DLG2: variants seen among roughly 807,000 people sequenced by gnomAD.
The protein encoded by DLG2 is disks large homolog 2.
A neutral mutation model predicts 132.5 loss-of-function variants in DLG2; 45 were observed. That is an observed-to-expected ratio of 0.34 (90% CI 0.27 to 0.44). DLG2 has a LOEUF of 0.44. Ranked by LOEUF, DLG2 falls within the 20% of genes least tolerant of loss-of-function variation. The pLI is 1.00. For missense variants in DLG2, 1,045 were observed against 1,196.9 expected (o/e 0.87, Z 1.87); for synonymous variants, 424 against 419.6 (o/e 1.01, Z -0.13).
chr11:85,484,157 A>T (rs1349392381), intron 3 of DLG2, among the ~76,000 whole-genome samples: 1 of 146,102 alleles, frequency 6.8e-6, no homozygotes, highest in Non-Finnish European at 1.5e-5. Context: ...AGGTCCGCGC[A>T]GTCCGCCCGG....
rs139449045 is a variant in DLG2, at chr11:84,414,198, TTAAA to T, written c.519+120368_519+120371del. Among the ~76,000 whole-genome samples the T allele has an allele frequency of 3.6e-3, 550 of 152,332 alleles. 2 individuals are homozygous for T. Among genetic ancestry groups the T allele is most frequent in the African/African-American group, 0.012 (510 of 41,584 alleles). The stretch of plus-strand genomic sequence containing the variant: ...TAACCTTTTAAGACTATTGTGAAGA[TTAAA>T]TAAGTGAGCATATCTAAATTAATTA... On this transcript the variant is annotated intron_variant, in intron 7 of 27. Transcript: ENST00000376104.
intron 3 of DLG2, among the ~76,000 whole-genome samples, chr11:85,314,916 G>A (rs547954758): frequency 1.1e-4 from 17 of 151,982 alleles, no homozygotes; most frequent in East Asian, 1.9e-4. Flanking sequence ...GTGTTGTGTC[G>A]TCCAGCCCAC....
chr11:84,171,517 T>C (rs2095822062), intron 8 of DLG2, among the ~76,000 whole-genome samples: 1 of 152,346 alleles, frequency 6.6e-6, no homozygotes, highest in Admixed American at 6.5e-5. Context: ...CTTAAGATAA[T>C]GGCCTCCAGT....
At chr11:84,222,167 G>C (rs1224978720) in intron 8 of DLG2, among the ~76,000 whole-genome samples, 1 of 151,996 alleles carries the variant, frequency 6.6e-6, no homozygotes, top group East Asian at 1.9e-4. Context: ...CAAGTAGCTG[G>C]TATTACAGGC....
intron 7 of DLG2, among the ~76,000 whole-genome samples, chr11:84,386,871 C>T (rs890021706): frequency 1.3e-5 from 2 of 152,030 alleles, no homozygotes; most frequent in African/African-American, 4.8e-5. Context: ...AGTACTTCAC[C>T]AGCCTTCCTA....
intron 6 of DLG2, among the ~76,000 whole-genome samples, chr11:84,975,847 C>T (rs892817332): frequency 3.9e-5 from 6 of 152,142 alleles, no homozygotes; most frequent in African/African-American, 7.2e-5. Flanking sequence ...CCCCAGATTT[C>T]GTTGTTTTCC....
intron 6 of DLG2, among the ~76,000 whole-genome samples, chr11:84,697,369 C>A (rs1443136861): frequency 6.6e-6 from 1 of 151,450 alleles, no homozygotes. Flanking sequence ...AGAATACACA[C>A]ATTTTGAATA....
At chr11:85,119,898 G>A (rs2074097128) in intron 5 of DLG2, among the ~76,000 whole-genome samples, 1 of 151,880 alleles carries the variant, frequency 6.6e-6, no homozygotes, top group Non-Finnish European at 1.5e-5. Context: ...TTAACTACAT[G>A]GGAAAGGTAA....
intron 3 of DLG2, among the ~76,000 whole-genome samples, chr11:85,445,451 GT>G (rs1056437365): frequency 1.6e-4 from 24 of 152,174 alleles, no homozygotes; most frequent in Non-Finnish European, 2.8e-4. Context: ...GCCAAGGTGG[GT>G]GGATCACCTG....
At chr11:83,652,332 G>T (rs961651321) in intron 18 of DLG2, among the ~76,000 whole-genome samples, 5 of 152,110 alleles carry the variant, frequency 3.3e-5, no homozygotes, top group African/African-American at 1.2e-4. Context: ...TGATTAAGAT[G>T]AATAGTCCTC....
At chr11:84,555,694 A>G (rs1017239919) in intron 6 of DLG2, among the ~76,000 whole-genome samples, 2 of 152,194 alleles carry the variant, frequency 1.3e-5, no homozygotes, top group African/African-American at 4.8e-5. Flanking sequence ...TAAAGGATAT[A>G]AAGTTTCAGA....
At chr11:84,370,511 A>G (rs2098701812) in intron 7 of DLG2, among the ~76,000 whole-genome samples, 1 of 152,150 alleles carries the variant, frequency 6.6e-6, no homozygotes, top group African/African-American at 2.4e-5. Context: ...TCACTTATCC[A>G]CATAGGATTT....
At chr11:85,461,774 A>G (rs1313792914) in intron 3 of DLG2, among the ~76,000 whole-genome samples, 1 of 152,212 alleles carries the variant, frequency 6.6e-6, no homozygotes, top group Non-Finnish European at 1.5e-5. Flanking sequence ...GAATAAAGTA[A>G]TGGCAACAAA....
At chr11:83,636,624 A>G (rs2064920742) in intron 18 of DLG2, among the ~76,000 whole-genome samples, 1 of 152,150 alleles carries the variant, frequency 6.6e-6, no homozygotes, top group Non-Finnish European at 1.5e-5. Flanking sequence ...CATTGGAAAC[A>G]ATTCTCTGAC....
chr11:83,548,133 G>A (rs997322432), intron 19 of DLG2, among the ~76,000 whole-genome samples: 2 of 152,108 alleles, frequency 1.3e-5, no homozygotes, highest in African/African-American at 4.8e-5. Context: ...GTAGAATTAC[G>A]CCCTGTAGTT....
chr11:84,325,793 A>T (rs550705545), intron 7 of DLG2, among the ~76,000 whole-genome samples: 1 of 152,134 alleles, frequency 6.6e-6, no homozygotes, highest in East Asian at 1.9e-4. Context: ...CTTCCTCTTC[A>T]ATATTTTGGA....
chr11:83,564,852 CT>C (rs11385078), intron 19 of DLG2, among the ~76,000 whole-genome samples: 3 of 151,550 alleles, frequency 2.0e-5, no homozygotes, highest in African/African-American at 7.3e-5. Context: ...AGAAGAATTT[CT>C]TTTTTTTTCT....
intron 6 of DLG2, among the ~76,000 whole-genome samples, chr11:84,692,279 A>G (rs951518079): frequency 6.6e-6 from 1 of 151,768 alleles, no homozygotes; most frequent in Non-Finnish European, 1.5e-5. Flanking sequence ...TGCTAAGCAT[A>G]TTACCTTTTC....
intron 6 of DLG2, among the ~76,000 whole-genome samples, chr11:85,086,087 A>AT (rs1461625791): frequency 2.6e-5 from 4 of 152,130 alleles, no homozygotes; most frequent in Non-Finnish European, 5.9e-5. Context: ...TTAATCAGCT[A>AT]TTTTTTAAAT....
Sources: gnomAD v4.1 joint callset for allele counts (sites outside exome capture counted in the v4.1 genomes callset) on GRCh38, gnomAD v4.1.1 for gene constraint, MANE v1.5 for transcripts, NCBI Gene and HGNC (gene_info 2026-07-23, HGNC 2026-07-21) for gene names.